SEMA4F: variants seen among roughly 807,000 people sequenced by gnomAD.
SEMA4F encodes ssemaphorin 4F, also known as semaphorin-4F.
Under a neutral mutation model 78.4 loss-of-function variants are expected in SEMA4F, and 51 were observed. That is an observed-to-expected ratio of 0.65 (90% confidence interval 0.52 to 0.82). SEMA4F has a LOEUF of 0.82. Among genes scored for constraint, SEMA4F ranks in the 40% least tolerant of loss-of-function variants. The pLI is 0.00. For synonymous variants in SEMA4F, 418 were observed against 408.7 expected (o/e 1.02, Z -0.27); for missense variants, 938 against 1,014.4 (o/e 0.92, Z 1.02).
the SEMA4F span, among the ~76,000 whole-genome samples, chr2:74,696,124 A>G: frequency 1.7e-3 from 261 of 151,892 alleles, 9 homozygotes; most frequent in East Asian, 0.047. Context: ...CAAAGTTAAA[A>G]TATTCATGAT....
At chr2:74,687,283 A>G (rs1397792435), downstream of SEMA4F, among the ~76,000 whole-genome samples, 4 of 152,204 alleles carry the variant, frequency 2.6e-5, no homozygotes, top group African/African-American at 9.7e-5. Flanking sequence ...GTCAGGCTTT[A>G]TCTTAAACAT....
chr2:74,693,610 T>C, the SEMA4F span, among the ~76,000 whole-genome samples: 1 of 152,254 alleles, frequency 6.6e-6, no homozygotes, highest in Non-Finnish European at 1.5e-5. Flanking sequence ...AATGTCCTAG[T>C]GCTGAAGCCA....
chr2:74,673,785 C>CAT lies in SEMA4F; in HGVS notation c.781_782dup (p.Glu262ThrfsTer31). 6.2e-7 allele frequency: 1 copy of CAT among 1,614,212 alleles called. No homozygotes were observed. Among genetic ancestry groups the CAT allele is most frequent in the East Asian group, 2.2e-5 (1 of 44,884 alleles). On this transcript the variant is annotated frameshift_variant, in exon 7 of 14. Coordinates refer to ENST00000357877, the MANE Select transcript of SEMA4F (RefSeq NM_004263.5). LOFTEE classifies it high-confidence loss of function. ...ACGGAGACTTCCCGAGCATTTGACT[C>CAT]ATACGAGCGCATTAAAGTCCCACGG...
intron 5 of SEMA4F, among the ~76,000 whole-genome samples, chr2:74,663,408 T>G (rs1439516312): frequency 2.0e-5 from 3 of 152,246 alleles, no homozygotes; most frequent in Admixed American, 6.5e-5. Context: ...CTTAGAAAAT[T>G]ATTGCTAATA....
At chr2:74,689,278 A>G in the SEMA4F span, among the ~76,000 whole-genome samples, 1 of 152,184 alleles carries the variant, frequency 6.6e-6, no homozygotes, top group African/African-American at 2.4e-5. Context: ...ATTTTACATA[A>G]TAAAACACTT....
chr2:74,667,864 G>A (rs994290174), intron 5 of SEMA4F, among the ~76,000 whole-genome samples: 1 of 152,116 alleles, frequency 6.6e-6, no homozygotes, highest in East Asian at 1.9e-4. Context: ...CATGGCTTCT[G>A]TTTCCACTGC....
chr2:74,702,637 T>C, the SEMA4F span, among the ~76,000 whole-genome samples: 1 of 152,136 alleles, frequency 6.6e-6, no homozygotes, highest in Non-Finnish European at 1.5e-5. Flanking sequence ...AGATTGATGA[T>C]CAATGGCCTG....
the SEMA4F span, among the ~76,000 whole-genome samples, chr2:74,707,899 C>G: frequency 6.6e-6 from 1 of 152,070 alleles, no homozygotes; most frequent in South Asian, 2.1e-4. Context: ...TCAGGGGTCT[C>G]CTCAAGATCG....
chr2:74,672,672 C>A (rs754471323), intron 5 of SEMA4F, among the ~76,000 whole-genome samples: 6 of 152,160 alleles, frequency 3.9e-5, no homozygotes, highest in African/African-American at 7.2e-5. Flanking sequence ...CTGAACCCCC[C>A]TTCCTTCTCA....
the SEMA4F span, among the ~76,000 whole-genome samples, chr2:74,689,900 A>G: frequency 6.6e-6 from 1 of 152,204 alleles, no homozygotes; most frequent in Non-Finnish European, 1.5e-5. Context: ...CCAGACCACA[A>G]AATGACCGAG....
intron 1 of SEMA4F, among the ~76,000 whole-genome samples, chr2:74,654,810 T>C (rs1450434684): frequency 6.6e-6 from 1 of 152,118 alleles, no homozygotes; most frequent in East Asian, 1.9e-4. Context: ...CGCAGGAGCG[T>C]CCAGTCCTCA....
chr2:74,654,278 C>T lies in SEMA4F; in HGVS notation c.-99C>T. 7.6e-7 allele frequency: 1 copy of T among 1,323,836 alleles called. No homozygotes were observed. Among genetic ancestry groups the T allele is most frequent in the Non-Finnish European group, 9.7e-7 (1 of 1,029,874 alleles). 82.0% of individuals were successfully genotyped at this position (1,323,836 alleles called of 1,614,324 possible). On this transcript the variant is annotated 5_prime_UTR_variant, in exon 1 of 14. Coordinates refer to ENST00000357877, the MANE Select transcript of SEMA4F (RefSeq NM_004263.5). ...TCCCTCAGCCTCAGGCTGAGCCGGA[C>T]CGAGCCGAGAGGACCCGAGTGGGGC...
At chr2:74,706,887 G>A in the SEMA4F span, among the ~76,000 whole-genome samples, 1 of 152,086 alleles carries the variant, frequency 6.6e-6, no homozygotes, top group Non-Finnish European at 1.5e-5. Context: ...ATGAGGAGAG[G>A]AGACACCCTA....
downstream of SEMA4F, among the ~76,000 whole-genome samples, chr2:74,688,841 T>G (rs1573281328): frequency 6.6e-6 from 1 of 152,360 alleles, no homozygotes; most frequent in East Asian, 1.9e-4. Context: ...AATCTATAGC[T>G]AATTTATCAC....
At chr2:74,704,047 G>T in the SEMA4F span, among the ~76,000 whole-genome samples, 1 of 152,138 alleles carries the variant, frequency 6.6e-6, no homozygotes, top group African/African-American at 2.4e-5. Context: ...AGACAGGCAG[G>T]ATGTGTGAAT....
intron 5 of SEMA4F, among the ~76,000 whole-genome samples, chr2:74,668,931 A>G (rs1181895792): frequency 7.3e-6 from 1 of 136,830 alleles, no homozygotes; most frequent in African/African-American, 3.1e-5. Context: ...AGCGTGGCCA[A>G]AAAAAAAAAA....
the SEMA4F span, among the ~76,000 whole-genome samples, chr2:74,708,490 C>T: frequency 6.6e-6 from 1 of 152,146 alleles, no homozygotes; most frequent in Non-Finnish European, 1.5e-5. Flanking sequence ...ATGAGACACT[C>T]TACCCCAGTG....
the SEMA4F span, among the ~76,000 whole-genome samples, chr2:74,705,454 A>G: frequency 2.0e-4 from 30 of 152,390 alleles, no homozygotes; most frequent in African/African-American, 7.2e-4. Flanking sequence ...CTCTGTAGCC[A>G]TAATGGATAA....
chr2:74,689,502 A>G, the SEMA4F span, among the ~76,000 whole-genome samples: 3 of 152,234 alleles, frequency 2.0e-5, no homozygotes, highest in African/African-American at 4.8e-5. Context: ...TTACACTTTT[A>G]GAAATTTATT....
Sources: gnomAD v4.1 joint callset for allele counts (sites outside exome capture counted in the v4.1 genomes callset) on GRCh38, gnomAD v4.1.1 for gene constraint, MANE v1.5 for transcripts, NCBI Gene and HGNC (gene_info 2026-07-23, HGNC 2026-07-21) for gene names.